Variants in PPT1 observed in about 807,000 individuals in gnomAD.
The protein encoded by PPT1 is palmitoyl-protein thioesterase 1, also known as ceroid-palmitoyl-palmitoyl-protein thioesterase 1.
In PPT1, 24 loss-of-function variants were observed where a neutral mutation model predicts 44.0. The observed-to-expected ratio is 0.54, with a 90% CI of 0.39 to 0.77. The LOEUF is 0.77. PPT1 is among the 30% of genes least tolerant of loss of function. The pLI is 0.00. For synonymous variants in PPT1, 148 were observed against 140.2 expected, an observed-to-expected ratio of 1.06 and a Z score of -0.39; for missense variants, 341 against 378.8, an observed-to-expected ratio of 0.90 and a Z score of 0.83.
Position 40,091,357 on chromosome 1 carries a change from AT to A in PPT1, c.404del (p.Asn135IlefsTer2). On this transcript the variant is annotated frameshift_variant, in exon 4 of 9. Transcript: ENST00000642050. LOFTEE classifies it high-confidence loss of function. ...AQRCPSPPMI[N>X]LISVGGQHQG... ...GATGTTGTCCCCCAACCGAGATCAG[AT>A]TGATCATGGGAGGTGAAGGGCATCT... 6.2e-7 allele frequency: 1 copy of A among 1,614,138 alleles called. No individual in the cohort carries two copies. Among genetic ancestry groups the A allele is most frequent in the Non-Finnish European group, 8.5e-7 (1 of 1,180,002 alleles).
At chr1:40,088,410 G>A (rs1649375684) in intron 5 of PPT1, among the ~76,000 whole-genome samples, 1 of 152,182 alleles carries the variant, frequency 6.6e-6, no homozygotes, top group Non-Finnish European at 1.5e-5. Flanking sequence ...CTCCCAAAGT[G>A]CTGGGATTAC....
chr1:40,072,031 G>C (rs1047178589), downstream of PPT1: 10 of 403,336 alleles, frequency 2.5e-5, no homozygotes, highest in African/African-American at 2.1e-4. Context: ...TGGACCAAAG[G>C]CTGAGGCTTG....
At chr1:40,092,325 CA>C in intron 2 of PPT1, 72 bp downstream of exon 2, 1 of 1,534,044 alleles carries the variant, frequency 6.5e-7, no homozygotes, top group Non-Finnish European at 9.0e-7. Flanking sequence ...AAACACAAGG[CA>C]AAGCATTTTA....
At chr1:40,092,377 A>G (rs1408106560) in intron 2 of PPT1, 21 bp downstream of exon 2, 11 of 1,569,048 alleles carry the variant, frequency 7.0e-6, no homozygotes, top group Non-Finnish European at 9.7e-6. Flanking sequence ...CCTTCAAAGG[A>G]ACAGCTGTGA....
chr1:40,091,360 G>C lies in PPT1; in HGVS notation c.402C>G (p.Ile134Met). The C allele has an allele frequency of 6.2e-7, 1 of 1,614,076 alleles. No homozygotes were observed. Among genetic ancestry groups the C allele is most frequent in the Non-Finnish European group, 8.5e-7 (1 of 1,179,992 alleles). Residue 134 changes from isoleucine (I) to methionine (M), a missense_variant, in exon 4 of 9, where the codon ATC (isoleucine) becomes ATG (methionine). Ile to Met is a conservative substitution (Grantham distance 10). Transcript: ENST00000642050. ...VAQRCPSPPM[I>M]NLISVGGQHQ... is the part of the protein sequence containing the mutation. Reference sequence around the variant, plus strand: ...GTTGTCCCCCAACCGAGATCAGATTGATCATGGGAGGTGAAGGGCATCTCT... The same window carrying C: ...GTTGTCCCCCAACCGAGATCAGATTCATCATGGGAGGTGAAGGGCATCTCT...
downstream of PPT1, chr1:40,071,915 C>CT (rs915042971): frequency 2.2e-5 from 9 of 412,566 alleles, no homozygotes; most frequent in African/African-American, 8.2e-5. Context: ...ACTGGTTAAT[C>CT]TTTTTTTAAC....
At chr1:40,093,520 C>T (rs1649679801) in intron 1 of PPT1, among the ~76,000 whole-genome samples, 1 of 152,076 alleles carries the variant, frequency 6.6e-6, no homozygotes, top group African/African-American at 2.4e-5. Flanking sequence ...GAATTTTTAC[C>T]TCAATTTTAA....
chr1:40,079,304 C>A (rs116729364), intron 6 of PPT1, among the ~76,000 whole-genome samples: 2,023 of 151,590 alleles, frequency 0.013, 47 homozygotes, highest in African/African-American at 0.047. Flanking sequence ...GCAATAAACA[C>A]GAGTGCAAGT....
At chr1:40,097,036 C>T (rs1168415757) in intron 1 of PPT1, 79 bp downstream of exon 1, 40 of 1,612,138 alleles carry the variant, frequency 2.5e-5, no homozygotes, top group Non-Finnish European at 3.2e-5. Context: ...TCGCCCTCTA[C>T]ACCCGCATTT....
chr1:40,076,486 C>T (rs1379499895), intron 8 of PPT1: 1 of 544,498 alleles, frequency 1.8e-6, no homozygotes, highest in Non-Finnish European at 2.3e-6. Flanking sequence ...AAGGAATGCC[C>T]CTCATCATGC....
rs762403558 is a variant in PPT1, at chr1:40,094,533, T to C, written c.125-2026A>G. On this transcript the variant is annotated intron_variant, in intron 1 of 8. Coordinates refer to ENST00000642050, the MANE Select transcript of PPT1 (RefSeq NM_000310.4). ...GCACTCATTCTCAGGTTTATGTAAG[T>C]GTTGACCCTGAATTTGAGAGTGAGT... Among the ~76,000 whole-genome samples the C allele has an allele frequency of 2.1e-4, 32 of 152,240 alleles. No individual in the cohort carries two copies. The Middle Eastern group carries it at 0.014, about 65-fold the overall frequency.
At chr1:40,083,465 T>C (rs185043299) in intron 5 of PPT1, among the ~76,000 whole-genome samples, 2 of 152,096 alleles carry the variant, frequency 1.3e-5, no homozygotes, top group East Asian at 3.9e-4. Flanking sequence ...AAAAACTATT[T>C]TTTTTAATTA....
chr1:40,073,070 A>G lies in PPT1; in HGVS notation c.*991T>C, dbSNP rs149722250. 12 of 152,292 alleles carry G rather than the reference A, an allele frequency of 7.9e-5. No individual in the cohort carries two copies. In the East Asian group the frequency reaches 2.1e-3, roughly 27 times the overall value. 9.4% of individuals were successfully genotyped at this position (152,292 alleles called of 1,614,324 possible). On this transcript the variant is annotated 3_prime_UTR_variant, in exon 9 of 9. Coordinates refer to ENST00000642050, the MANE Select transcript of PPT1 (RefSeq NM_000310.4). Reference sequence around the variant, plus strand: ...ACTCTAATGTGGGTTGATCTCCAGAAGGAGAAAGGGAGTGTGTAGTATTTT... The same window carrying G: ...ACTCTAATGTGGGTTGATCTCCAGAGGGAGAAAGGGAGTGTGTAGTATTTT...
rs1648334525 is a variant in PPT1, at chr1:40,073,025, A to C, written c.*1036T>G. On this transcript the variant is annotated 3_prime_UTR_variant, in exon 9 of 9. Coordinates refer to ENST00000642050, the MANE Select transcript of PPT1 (RefSeq NM_000310.4). Reference sequence around the variant, plus strand: ...GTTAGTTTTGTTTACTGTAACAGGAATTCTCAGGAGTCCTTAGACACTCTA... The same window carrying C: ...GTTAGTTTTGTTTACTGTAACAGGACTTCTCAGGAGTCCTTAGACACTCTA... 1 of 152,252 alleles carries C rather than the reference A, an allele frequency of 6.6e-6. No individual in the cohort carries two copies. The highest frequency in any genetic ancestry group is 1.5e-5 in the Non-Finnish European group (1 of 68,044). 9.4% of individuals were successfully genotyped at this position (152,252 alleles called of 1,614,324 possible).
At chr1:40,076,373 G>C (rs890202445) in intron 8 of PPT1, among the ~76,000 whole-genome samples, 1 of 152,068 alleles carries the variant, frequency 6.6e-6, no homozygotes, top group Non-Finnish European at 1.5e-5. Context: ...GCTGAGGCAG[G>C]AGAATTGCTT....
chr1:40,089,700 T>C (rs1649453501), intron 4 of PPT1, 188 bp from the exon 5 acceptor site: 2 of 667,406 alleles, frequency 3.0e-6, no homozygotes, highest in South Asian at 3.0e-5. Context: ...CTACACTCTT[T>C]CCTGCCTAAG....
chr1:40,073,974 C>T lies in PPT1; in HGVS notation c.*87G>A. ...GGATTAGTTGCAAGCTGGATCTGAGCTCAGGCTTGGGCATGAAGGAAACTG... is the reference window on the plus strand; with the variant it reads ...GGATTAGTTGCAAGCTGGATCTGAGTTCAGGCTTGGGCATGAAGGAAACTG... On this transcript the variant is annotated 3_prime_UTR_variant, in exon 9 of 9. Coordinates refer to ENST00000642050, the MANE Select transcript of PPT1 (RefSeq NM_000310.4). 6.4e-7 allele frequency: 1 copy of T among 1,559,374 alleles called. No individual in the cohort carries two copies. The highest frequency in any genetic ancestry group is 8.8e-7 in the Non-Finnish European group (1 of 1,134,722).
intron 1 of PPT1, among the ~76,000 whole-genome samples, chr1:40,094,442 A>G (rs1384284659): frequency 1.4e-5 from 2 of 148,124 alleles, no homozygotes; most frequent in African/African-American, 5.0e-5. Context: ...CTGTGTGGCT[A>G]GTTCCTAACA....
intron 5 of PPT1, among the ~76,000 whole-genome samples, chr1:40,081,055 G>C (rs61781915): frequency 6.6e-6 from 1 of 152,182 alleles, no homozygotes; most frequent in Non-Finnish European, 1.5e-5. Context: ...TGCTTCTCCT[G>C]TGACACTGGG....
Sources: gnomAD v4.1 joint callset for allele counts (sites outside exome capture counted in the v4.1 genomes callset) on GRCh38, gnomAD v4.1.1 for gene constraint, MANE v1.5 for transcripts, NCBI Gene and HGNC (gene_info 2026-07-23, HGNC 2026-07-21) for gene names.